Variants in ACOX2 observed in about 807,000 individuals in gnomAD.
The protein encoded by ACOX2 is peroxisomal acyl-coenzyme A oxidase 2.
A neutral mutation model predicts 77.5 loss-of-function variants in ACOX2; 59 were observed. That is an observed-to-expected ratio of 0.76 (90% CI 0.62 to 0.95). The LOEUF (loss-of-function observed/expected upper bound fraction) is 0.95, where lower values mean the gene tolerates loss of function less well. Ranked by LOEUF, ACOX2 falls within the 40% of genes least tolerant of loss-of-function variation. ACOX2 has a pLI of 0.00. For missense variants in ACOX2, 837 were observed against 880.4 expected (o/e 0.95, Z 0.62); for synonymous variants, 317 against 340.1 (o/e 0.93, Z 0.75).
intron 9 of ACOX2, among the ~76,000 whole-genome samples, chr3:58,527,956 C>A (rs2063409778): frequency 6.6e-6 from 1 of 152,010 alleles, no homozygotes; most frequent in Admixed American, 6.6e-5. Context: ...ATCCTCCTGC[C>A]CTGGCCTCCC....
rs575766382 is a variant in ACOX2 at position 58,528,618 on chromosome 3, T to G, written c.1155+176A>C. Among the ~76,000 whole-genome samples the G allele has an allele frequency of 4.7e-5, 7 of 149,136 alleles. No homozygotes were observed. Among genetic ancestry groups the G allele is most frequent in the Non-Finnish European group, 8.9e-5 (6 of 67,552 alleles). On this transcript the variant is annotated intron_variant, in intron 9 of 14. Coordinates refer to ENST00000302819, the MANE Select transcript of ACOX2 (RefSeq NM_003500.4). This position sits in a 1 kb window ranked among gnomAD's most constrained non-coding sequence, Gnocchi z 5.6. ...TTTGTAGCTCTCTGGGGGCTGGTTG[T>G]GGGTAAATTTATATACCAGGGTGCC...
At chr3:58,518,796 C>CTT (rs796292356) in intron 12 of ACOX2, among the ~76,000 whole-genome samples, 1,593 of 141,598 alleles carry the variant, frequency 0.011, 31 homozygotes, top group African/African-American at 0.04. Context: ...CCATGCCCGG[C>CTT]TTTTTTTTTT....
chr3:58,533,535 G>A lies in ACOX2; in HGVS notation c.493C>T (p.Leu165=). 6.2e-7 allele frequency: 1 copy of A among 1,614,056 alleles called. No individual in the cohort carries two copies. Among genetic ancestry groups the A allele is most frequent in the Non-Finnish European group, 8.5e-7 (1 of 1,179,996 alleles). Reference sequence around the variant, plus strand: ...GCGTCATAGGTGGCTTCAGTCTCCAGGCCCTGAAGATATGTCCCTTAGGAT... The same window carrying A: ...GCGTCATAGGTGGCTTCAGTCTCCAAGCCCTGAAGATATGTCCCTTAGGAT... The part of the protein sequence containing the change: ...ELGHGTYLQG[L]ETEATYDAAT... The change falls in exon 5 of 15, where the codon CTG becomes TTG. Residue 165 remains leucine, a synonymous_variant. Coordinates refer to ENST00000302819, the MANE Select transcript of ACOX2 (RefSeq NM_003500.4). This position sits in a 1 kb window ranked among gnomAD's most constrained non-coding sequence, Gnocchi z 5.6.
At chr3:58,527,180 C>T (rs186739700) in intron 9 of ACOX2, among the ~76,000 whole-genome samples, 29 of 152,060 alleles carry the variant, frequency 1.9e-4, no homozygotes, top group East Asian at 1.6e-3. Flanking sequence ...GAGTTGGGGC[C>T]TTCAGGAGGT....
In ACOX2 at chr3:58,531,674, G is replaced by T; in HGVS notation, c.703+19C>A. On this transcript the variant is annotated intron_variant, in intron 6 of 14. Transcript: ENST00000302819. This position sits in a 1 kb window ranked among gnomAD's most constrained non-coding sequence, Gnocchi z 5.8. Reference sequence around the variant, plus strand: ...CTCTCCTCCTGGCAGGGTTCCTTGAGGGAGCATTATGGGCTTACCTGGCAG... The same window carrying T: ...CTCTCCTCCTGGCAGGGTTCCTTGATGGAGCATTATGGGCTTACCTGGCAG... 6.2e-7 allele frequency: 1 copy of T among 1,612,318 alleles called. No homozygotes were observed.
intron 12 of ACOX2, among the ~76,000 whole-genome samples, chr3:58,520,885 G>A (rs1360302835): frequency 1.3e-5 from 2 of 152,172 alleles, no homozygotes; most frequent in Non-Finnish European, 2.9e-5. Flanking sequence ...GGAAGGGAAA[G>A]CATCTGGACT....
chr3:58,513,273 C>A (rs776845028), intron 13 of ACOX2, among the ~76,000 whole-genome samples: 1 of 152,076 alleles, frequency 6.6e-6, no homozygotes, highest in Non-Finnish European at 1.5e-5. Context: ...ATCTGTGACC[C>A]TTTTTCATCT....
rs138241318 is a variant in ACOX2, at chr3:58,533,547, A to G, written c.481T>C (p.Tyr161His). Reference protein sequence around the residue: ...YAQTELGHGTYLQGLETEATY... With the variant: ...YAQTELGHGTHLQGLETEATY... ...GCTTCAGTCTCCAGGCCCTGAAGAT[A>G]TGTCCCTTAGGATCAAGGAGAGGTG... Residue 161 changes from tyrosine (Y) to histidine (H), a missense_variant, in exon 5 of 15, where the codon TAT becomes CAT. By Grantham distance (83) the Tyr-to-His change is moderately conservative. Transcript: ENST00000302819. This position sits in a 1 kb window ranked among gnomAD's most constrained non-coding sequence, Gnocchi z 5.6. The G allele has an allele frequency of 1.2e-6, 2 of 1,613,814 alleles. No individual in the cohort carries two copies. Among genetic ancestry groups the G allele is most frequent in the African/African-American group, 1.3e-5 (1 of 74,896 alleles).
In ACOX2 at chr3:58,508,990, A is replaced by C; in HGVS notation, c.1886T>G (p.Phe629Cys). Residue 629 changes from phenylalanine (F) to cysteine (C), a missense_variant, in exon 14 of 15, where the codon TTC becomes TGC. By Grantham distance (205) the Phe-to-Cys change is radical. Transcript: ENST00000302819. ...TGCTGAATTTAAACACTGATCGGTG[A>C]AGTCAAAAGCATCAGTTAACAGGAT... ...DAILLTDAFD[F>C]TDQCLNSALG... is the part of the protein sequence containing the mutation. 6.2e-7 allele frequency: 1 copy of C among 1,614,164 alleles called. No individual in the cohort carries two copies. Among genetic ancestry groups the C allele is most frequent in the Non-Finnish European group, 8.5e-7 (1 of 1,180,012 alleles).
chr3:58,510,240 A>G (rs893467422), intron 13 of ACOX2, among the ~76,000 whole-genome samples: 1 of 152,144 alleles, frequency 6.6e-6, no homozygotes, highest in Non-Finnish European at 1.5e-5. Context: ...CCCCAACATC[A>G]TATGAGCCCT....
Position 58,524,315 on chromosome 3 carries a change from G to T in ACOX2, c.1526+111C>A. ...AGAGGACCGGGGAGGCTAGGCATGG[G>T]GTGGTTTTTAGAACTGAATCCACGA... On this transcript the variant is annotated intron_variant, in intron 11 of 14. Transcript: ENST00000302819. This position sits in a 1 kb window ranked among gnomAD's most constrained non-coding sequence, Gnocchi z 5.5. 7.4e-7 allele frequency: 1 copy of T among 1,357,090 alleles called. No individual in the cohort carries two copies. Among genetic ancestry groups the T allele is most frequent in the Non-Finnish European group, 1.0e-6 (1 of 994,006 alleles). 84.1% of individuals were successfully genotyped at this position (1,357,090 alleles called of 1,614,324 possible).
At chr3:58,506,509 T>A (rs1315940235) in intron 14 of ACOX2, among the ~76,000 whole-genome samples, 1 of 152,220 alleles carries the variant, frequency 6.6e-6, no homozygotes, top group African/African-American at 2.4e-5. Flanking sequence ...ATTTAAAATA[T>A]CTGCCAGGCA....
chr3:58,532,277 A>T (rs576447212), intron 5 of ACOX2, among the ~76,000 whole-genome samples: 346 of 152,190 alleles, frequency 2.3e-3, no homozygotes, highest in Admixed American at 4.1e-3. Flanking sequence ...CTGATCTAAA[A>T]GGCTGGTTTC....
In ACOX2 at chr3:58,525,889, G is replaced by T. The variant is rs1302861848; in HGVS notation, c.1346+577C>A. Among the ~76,000 whole-genome samples, 3 of 152,052 alleles carry T rather than the reference G, an allele frequency of 2.0e-5. No individual in the cohort carries two copies. Among genetic ancestry groups the T allele is most frequent in the Admixed American group, 2.0e-4 (3 of 15,260 alleles). On this transcript the variant is annotated intron_variant, in intron 10 of 14. Transcript: ENST00000302819. This position sits in a 1 kb window ranked among gnomAD's most constrained non-coding sequence, Gnocchi z 5.0. ...AATACAAAAATTAGATGGGCATGGT[G>T]GTGTGTAATCCCAGCTACTGCGGAG...
chr3:58,518,537 A>T (rs2063337983), intron 12 of ACOX2, among the ~76,000 whole-genome samples: 1 of 152,260 alleles, frequency 6.6e-6, no homozygotes, highest in Non-Finnish European at 1.5e-5. Flanking sequence ...AACAGTCCGC[A>T]TCTCGTCAAG....
In ACOX2 at chr3:58,510,661, A is replaced by AAT. The variant is rs2063274923; in HGVS notation, c.1851-1637_1851-1636insAT. ...AAAAAAAAAAAAAAAAAAAAAAAAA[A>AAT]AAATATATATATATATATATATATA... On this transcript the variant is annotated intron_variant, in intron 13 of 14. Coordinates refer to ENST00000302819, the MANE Select transcript of ACOX2 (RefSeq NM_003500.4). Among the ~76,000 whole-genome samples the AAT allele has an allele frequency of 1.1e-4, 2 of 18,880 alleles. 1 individual carries two copies. The highest frequency in any genetic ancestry group is 1.8e-4 in the Non-Finnish European group (2 of 10,878). The allele number at this position is 18,880 out of a possible 152,430, so 12.4% of individuals were successfully genotyped here.
chr3:58,534,073 C>T lies in ACOX2; in HGVS notation c.396G>A (p.Glu132=). The change falls in exon 4 of 15, where the codon GAG becomes GAA. Residue 132 remains glutamate (E), a synonymous_variant. Transcript: ENST00000302819. The surrounding 1 kb of genome is among the most constrained non-coding windows in gnomAD (Gnocchi z 4.8). The part of the protein sequence containing the change: ...FVRALRSLGS[E]EQIAKWDPLC... ...GTGGGTCCCATTTGGCAATCTGCTC[C>T]TCTGAGCCCAGGCTCCTGAGGGCTC... is the stretch of plus-strand genomic sequence containing the variant. 6.2e-7 allele frequency: 1 copy of T among 1,614,210 alleles called. No homozygotes were observed. Among genetic ancestry groups the T allele is most frequent in the South Asian group, 1.1e-5 (1 of 91,082 alleles).
At chr3:58,520,045 T>G (rs536480945) in intron 12 of ACOX2, among the ~76,000 whole-genome samples, 2 of 152,374 alleles carry the variant, frequency 1.3e-5, no homozygotes, top group East Asian at 3.9e-4. Flanking sequence ...GGGGAAGGGC[T>G]GAGCTGAACC....
Position 58,528,565 on chromosome 3 carries a change from C to T in ACOX2, c.1155+229G>A, listed in dbSNP as rs897075146. Among the ~76,000 whole-genome samples, 3 of 151,620 alleles carry T rather than the reference C, an allele frequency of 2.0e-5. No homozygotes were observed. The highest frequency in any genetic ancestry group is 4.4e-5 in the Non-Finnish European group (3 of 68,006). ...GGGTTGTGGACCTGTGTTCTCTACG[C>T]TAGGTGTGATTGTTTTCTCTTAGTA... On this transcript the variant is annotated intron_variant, in intron 9 of 14. Coordinates refer to ENST00000302819, the MANE Select transcript of ACOX2 (RefSeq NM_003500.4). This position sits in a 1 kb window ranked among gnomAD's most constrained non-coding sequence, Gnocchi z 5.6.
Sources: allele counts gnomAD v4.1 joint callset (sites outside exome capture counted in the v4.1 genomes callset), GRCh38; gene constraint gnomAD v4.1.1; non-coding constraint Gnocchi (gnomAD v3.1); transcripts MANE v1.5; gene names NCBI Gene and HGNC (gene_info 2026-07-23, HGNC 2026-07-21).